The following NNT variants were observed in gnomAD, a reference collection of about 807,000 sequenced individuals.
NNT encodes nicotinamide nucleotide transhydrogenase.
Under a neutral mutation model 104.8 loss-of-function variants are expected in NNT, and 50 were observed. The ratio of observed to expected loss-of-function variants is 0.48; its 90% CI spans 0.38 to 0.60. The LOEUF is 0.60. Ranked by LOEUF, NNT falls within the 20% of genes least tolerant of loss-of-function variation. NNT has a pLI of 0.00. For missense variants in NNT, 1,131 were observed against 1,330.7 expected, an observed-to-expected ratio of 0.85 and a Z score of 2.33; for synonymous variants, 461 against 490.4, an observed-to-expected ratio of 0.94 and a Z score of 0.79.
intron 6 of NNT, among the ~76,000 whole-genome samples, chr5:43,627,274 C>T (rs895194478): frequency 6.6e-6 from 1 of 152,180 alleles, no homozygotes; most frequent in Non-Finnish European, 1.5e-5. Flanking sequence ...ATGTCCTACC[C>T]TTTATGCATA....
At chr5:43,690,840 C>T (rs1414333693) in intron 19 of NNT, among the ~76,000 whole-genome samples, 1 of 152,078 alleles carries the variant, frequency 6.6e-6, no homozygotes, top group Admixed American at 6.6e-5. Flanking sequence ...AGCCTCTCTC[C>T]CTCTGACCCA....
intron 18 of NNT, among the ~76,000 whole-genome samples, chr5:43,677,426 G>C (rs1445459421): frequency 6.7e-6 from 1 of 150,298 alleles, no homozygotes; most frequent in Non-Finnish European, 1.5e-5. Flanking sequence ...GAGAGAGAGA[G>C]ACAGAGACAG....
rs1481320125 is a variant in NNT, at chr5:43,700,225, C to A, written c.2983C>A (p.His995Asn). 20 of 1,611,092 alleles carry A rather than the reference C, an allele frequency of 1.2e-5. 1 individual carries two copies. In the East Asian group the frequency reaches 4.2e-4, roughly 34 times the overall value. The change falls in exon 20 of 22, where the codon CAT becomes AAT. Residue 995 changes from histidine to asparagine, a missense_variant. Coordinates refer to ENST00000344920, the MANE Select transcript of NNT (RefSeq NM_182977.3). The part of the protein sequence containing the change: ...DIVLEMDEIN[H>N]DFPDTDLVLV... ...TGTGTTGGAAATGGATGAGATCAACCATGATTTTCCAGGTAAGTGGTGGGG... is the reference window on the plus strand; with the variant it reads ...TGTGTTGGAAATGGATGAGATCAACAATGATTTTCCAGGTAAGTGGTGGGG...
intron 7 of NNT, among the ~76,000 whole-genome samples, chr5:43,640,680 G>C (rs1751185297): frequency 6.6e-6 from 1 of 151,444 alleles, no homozygotes; most frequent in Admixed American, 6.6e-5. Context: ...TGTTTTTACT[G>C]TTTTTATTGA....
intron 20 of NNT, among the ~76,000 whole-genome samples, chr5:43,700,727 G>A (rs1317438921): frequency 6.6e-6 from 1 of 152,176 alleles, no homozygotes; most frequent in Non-Finnish European, 1.5e-5. Flanking sequence ...AATTTCCCTA[G>A]ATAAGGTGCT....
chr5:43,619,292 A>G (rs2111605085), intron 5 of NNT, among the ~76,000 whole-genome samples, 173 bp downstream of exon 5: 1 of 152,270 alleles, frequency 6.6e-6, no homozygotes, highest in Non-Finnish European at 1.5e-5. Flanking sequence ...GATTGCTAGA[A>G]AAAAATGAAC....
intron 5 of NNT, among the ~76,000 whole-genome samples, chr5:43,621,954 G>A (rs1364619204): frequency 6.6e-6 from 1 of 152,182 alleles, no homozygotes. Context: ...AGATCATGTT[G>A]GAAAGGAAGG....
chr5:43,613,329 A>G (rs146558668), intron 3 of NNT, 192 bp downstream of exon 3: 6 of 544,830 alleles, frequency 1.1e-5, no homozygotes, highest in African/African-American at 7.6e-5. Context: ...AATATGATCT[A>G]TGTTTAACCA....
chr5:43,664,079 G>C (rs1328111099), intron 17 of NNT, among the ~76,000 whole-genome samples: 1 of 152,180 alleles, frequency 6.6e-6, no homozygotes, highest in Admixed American at 6.5e-5. Context: ...TGGCTAACCA[G>C]CAATCCCTAA....
In NNT at chr5:43,659,342, A is replaced by G; in HGVS notation, c.2626A>G (p.Met876Val). 2 of 1,608,458 alleles carry G rather than the reference A, an allele frequency of 1.2e-6. No individual in the cohort carries two copies. Among genetic ancestry groups the G allele is most frequent in the South Asian group, 2.2e-5 (2 of 89,902 alleles). ...GTCTGGTGCTATCCTGTCATACATC[A>G]TGTGTGTGGTAAGAAACAACACATA... is the stretch of plus-strand genomic sequence containing the variant. ...GSSGAILSYI[M>V]CVAMNRSLAN... Residue 876 changes from methionine (M) to valine (V), a missense_variant, in exon 17 of 22, where the codon ATG becomes GTG. By Grantham distance (21) the Met-to-Val change is conservative (BLOSUM62 1). Transcript: ENST00000344920.
At chr5:43,674,183 A>G (rs1741284092) in intron 17 of NNT, among the ~76,000 whole-genome samples, 1 of 152,226 alleles carries the variant, frequency 6.6e-6, no homozygotes, top group Admixed American at 6.5e-5. Flanking sequence ...AAACGAGTTT[A>G]GATTGAAAGA....
chr5:43,650,277 T>C (rs1275203112), intron 11 of NNT, among the ~76,000 whole-genome samples, 200 bp from the exon 12 acceptor site: 1 of 152,234 alleles, frequency 6.6e-6, no homozygotes, highest in Non-Finnish European at 1.5e-5. Context: ...TCAGTGAGAA[T>C]GATGTGAAGA....
At chr5:43,693,499 A>G (rs1742396274) in intron 19 of NNT, among the ~76,000 whole-genome samples, 2 of 152,214 alleles carry the variant, frequency 1.3e-5, no homozygotes, top group South Asian at 4.1e-4. Context: ...AACATTTTGG[A>G]AATGCTTTCT....
intron 17 of NNT, among the ~76,000 whole-genome samples, chr5:43,672,802 C>T (rs1028580164): frequency 1.3e-5 from 2 of 152,202 alleles, no homozygotes; most frequent in Non-Finnish European, 2.9e-5. Context: ...CCACTACTCT[C>T]TTCAAAGCTG....
intron 17 of NNT, among the ~76,000 whole-genome samples, chr5:43,675,257 AT>A (rs950321168): frequency 6.6e-5 from 10 of 151,670 alleles, no homozygotes; most frequent in Admixed American, 4.6e-4. Context: ...CTTGGTTTCT[AT>A]TTTTTTTACT....
At chr5:43,670,736 T>C (rs1741018724) in intron 17 of NNT, among the ~76,000 whole-genome samples, 1 of 152,204 alleles carries the variant, frequency 6.6e-6, no homozygotes, top group African/African-American at 2.4e-5. Context: ...TGCAGTGTGG[T>C]GCTGAGAAGA....
At chr5:43,619,805 C>T (rs988604700) in intron 5 of NNT, among the ~76,000 whole-genome samples, 4 of 152,176 alleles carry the variant, frequency 2.6e-5, no homozygotes, top group African/African-American at 7.2e-5. Flanking sequence ...TTATTTGGCT[C>T]ATAATTCTGG....
chr5:43,682,333 C>G (rs1397688506), intron 19 of NNT, among the ~76,000 whole-genome samples: 1 of 151,682 alleles, frequency 6.6e-6, no homozygotes, highest in Non-Finnish European at 1.5e-5. Context: ...ACCTCAGCCT[C>G]CCAAGTAGCT....
intron 2 of NNT, among the ~76,000 whole-genome samples, chr5:43,611,997 T>A (rs1383679421): frequency 6.6e-6 from 1 of 152,176 alleles, no homozygotes; most frequent in Non-Finnish European, 1.5e-5. Flanking sequence ...TCTTGGCAAG[T>A]GTGAGAGCCC....
Sources: gnomAD v4.1 joint callset for allele counts (sites outside exome capture counted in the v4.1 genomes callset) on GRCh38, gnomAD v4.1.1 for gene constraint, MANE v1.5 for transcripts, NCBI Gene and HGNC (gene_info 2026-07-23, HGNC 2026-07-21) for gene names.